ANKRD31: variants seen among roughly 807,000 people sequenced by gnomAD.
ANKRD31 encodes the protein ankyrin repeat domain-containing protein 31.
In ANKRD31, 147 loss-of-function variants were observed where a neutral mutation model predicts 186.0. The observed-to-expected ratio is 0.79, with a 90% CI of 0.69 to 0.91. The LOEUF (loss-of-function observed/expected upper bound fraction) is 0.91, where lower values mean the gene tolerates loss of function less well. Among genes scored for constraint, ANKRD31 ranks in the 40% least tolerant of loss-of-function variants. The pLI, the probability that ANKRD31 is intolerant of heterozygous loss-of-function variation, is 0.00. For synonymous variants in ANKRD31, 673 were observed against 736.4 expected, an observed-to-expected ratio of 0.91 and a Z score of 1.39; for missense variants, 1,986 against 2,148.8, an observed-to-expected ratio of 0.92 and a Z score of 1.50.
chr5:75,181,015 T>C (rs1309690549), intron 10 of ANKRD31, among the ~76,000 whole-genome samples: 1 of 134,504 alleles, frequency 7.4e-6, no homozygotes, highest in Non-Finnish European at 1.5e-5. Context: ...GAATCTACAA[T>C]GAACTCAAAC....
chr5:75,127,640 T>C (rs1749357846), intron 17 of ANKRD31, among the ~76,000 whole-genome samples: 3 of 152,236 alleles, frequency 2.0e-5, no homozygotes. Context: ...CCATATCAAT[T>C]TTAGAATCAG....
chr5:75,159,224 C>T (rs1167198792), intron 11 of ANKRD31, among the ~76,000 whole-genome samples: 2 of 152,060 alleles, frequency 1.3e-5, no homozygotes, highest in Non-Finnish European at 2.9e-5. Flanking sequence ...ATGAATAGAA[C>T]ATCAGAGAAA....
chr5:75,114,611 C>T (rs977335727), intron 19 of ANKRD31, among the ~76,000 whole-genome samples: 9 of 152,080 alleles, frequency 5.9e-5, no homozygotes, highest in South Asian at 4.2e-4. Flanking sequence ...TATACACCAA[C>T]AACAGACAAA....
At chr5:75,170,176 G>A (rs538511885) in intron 10 of ANKRD31, among the ~76,000 whole-genome samples, 7 of 152,000 alleles carry the variant, frequency 4.6e-5, no homozygotes, top group African/African-American at 1.2e-4. Context: ...ATAGCACAAC[G>A]GATATGGGGG....
intron 11 of ANKRD31, among the ~76,000 whole-genome samples, chr5:75,164,605 T>G (rs1190914241): frequency 1.3e-5 from 2 of 152,180 alleles, no homozygotes; most frequent in African/African-American, 4.8e-5. Context: ...GCCAAAGTAA[T>G]GTATTCACTC....
rs1479772951 is a variant in ANKRD31 at position 75,192,702 on chromosome 5, T to C, written c.1373A>G (p.Gln458Arg). ...TGAAAATTGTTCATTTTTCCTGATC[T>C]GTTTTCCATTCTTGAACCTTGCTGA... ...MHSARFKNGK[Q>R]IRKNEQFSGK... Residue 458 changes from glutamine to arginine, a missense_variant, in exon 9 of 26, where the codon CAG becomes CGG. Physicochemically the swap from Gln to Arg is conservative, Grantham distance 43 (BLOSUM62 1). Transcript: ENST00000506364. 2 of 1,534,976 alleles carry C rather than the reference T, an allele frequency of 1.3e-6. No homozygotes were observed. Among genetic ancestry groups the C allele is most frequent in the Non-Finnish European group, 1.7e-6 (2 of 1,145,780 alleles).
chr5:75,208,730 T>C (rs541177866), intron 4 of ANKRD31, among the ~76,000 whole-genome samples: 1 of 152,320 alleles, frequency 6.6e-6, no homozygotes, highest in Non-Finnish European at 1.5e-5. Context: ...AAGTTCTGTC[T>C]CTCATCTTCC....
At position 75,084,266 on chromosome 5, in the gene ANKRD31, AC is replaced by A. The variant is rs1561401779; in HGVS notation, c.5575+5del. 9 of 1,529,474 alleles carry A rather than the reference AC, an allele frequency of 5.9e-6. No homozygotes were observed. Among genetic ancestry groups the A allele is most frequent in the Non-Finnish European group, 7.9e-6 (9 of 1,139,814 alleles). 94.7% of individuals were successfully genotyped at this position (1,529,474 alleles called of 1,614,324 possible). A position where few individuals can be genotyped will look rare whatever the true frequency, so the allele number is the denominator to read the frequency against. ...AACGAAGAAATGAGTGTTGTTCTGTACATACCTGGAAGACAAGGTTGATATT... is the reference window on the plus strand; with the variant it reads ...AACGAAGAAATGAGTGTTGTTCTGTAATACCTGGAAGACAAGGTTGATATT... On this transcript the variant is annotated splice_donor_5th_base_variant and intron_variant, in intron 24 of 25. Coordinates refer to ENST00000506364, the MANE Select transcript of ANKRD31 (RefSeq NM_001372053.1).
chr5:75,097,800 T>G (rs537357348), intron 22 of ANKRD31, among the ~76,000 whole-genome samples: 2 of 152,338 alleles, frequency 1.3e-5, no homozygotes, highest in East Asian at 1.9e-4. Flanking sequence ...GGTCTAACAT[T>G]TAAGTCTTTA....
At chr5:75,172,486 T>A (rs934957091) in intron 10 of ANKRD31, among the ~76,000 whole-genome samples, 3 of 151,290 alleles carry the variant, frequency 2.0e-5, no homozygotes, top group African/African-American at 7.3e-5. Flanking sequence ...TTGATACACC[T>A]CTAGCAAGAC....
chr5:75,104,091 G>A (rs1173610919), intron 22 of ANKRD31, 137 bp downstream of exon 22: 5 of 649,606 alleles, frequency 7.7e-6, no homozygotes, highest in African/African-American at 1.8e-5. Context: ...GAATACAATG[G>A]TTGTGTCCCT....
At chr5:75,138,805 A>G in intron 16 of ANKRD31, 41 bp downstream of exon 16, 4 of 1,522,192 alleles carry the variant, frequency 2.6e-6, no homozygotes, top group South Asian at 2.4e-5. Context: ...TATTTCAGTG[A>G]GTTCAAATTA....
chr5:75,108,560 A>G (rs1747516795), intron 20 of ANKRD31, among the ~76,000 whole-genome samples: 1 of 152,074 alleles, frequency 6.6e-6, no homozygotes, highest in African/African-American at 2.4e-5. Context: ...AATTTTTTGG[A>G]CCAATGCACA....
rs1246115144 is a variant in ANKRD31 at position 75,138,006 on chromosome 5, A to C, written c.3734-8T>G. On this transcript the variant is annotated splice_region_variant and splice_polypyrimidine_tract_variant and intron_variant, in intron 16 of 25. Coordinates refer to ENST00000506364, the MANE Select transcript of ANKRD31 (RefSeq NM_001372053.1). Reference sequence around the variant, plus strand: ...CATGAAGTGGTGTCCAACCTAAAAAAAGAAAAAGAAAAAAAAAAACCCTGC... The same window carrying C: ...CATGAAGTGGTGTCCAACCTAAAAACAGAAAAAGAAAAAAAAAAACCCTGC... The C allele has an allele frequency of 5.6e-6, 8 of 1,417,292 alleles. No homozygotes were observed. The highest frequency in any genetic ancestry group is 7.2e-6 in the Non-Finnish European group (8 of 1,108,214). 87.8% of individuals were successfully genotyped at this position (1,417,292 alleles called of 1,614,324 possible).
chr5:75,188,093 T>C (rs1754859908), intron 10 of ANKRD31, among the ~76,000 whole-genome samples: 1 of 152,162 alleles, frequency 6.6e-6, no homozygotes, highest in South Asian at 2.1e-4. Context: ...CTGCTCCTGC[T>C]GTACATCTAC....
At chr5:75,219,229 T>C (rs767517174) in intron 3 of ANKRD31, among the ~76,000 whole-genome samples, 1 of 152,132 alleles carries the variant, frequency 6.6e-6, no homozygotes, top group Non-Finnish European at 1.5e-5. Context: ...TGCTTCTATA[T>C]CTAGAAAACC....
At chr5:75,172,908 A>G (rs1462379041) in intron 10 of ANKRD31, among the ~76,000 whole-genome samples, 2 of 152,218 alleles carry the variant, frequency 1.3e-5, no homozygotes, top group East Asian at 1.9e-4. Flanking sequence ...TCATCCTGAT[A>G]CCAAAGCCTG....
intron 11 of ANKRD31, among the ~76,000 whole-genome samples, chr5:75,157,847 C>T (rs989407809): frequency 2.6e-5 from 4 of 152,058 alleles, no homozygotes; most frequent in Admixed American, 2.6e-4. Context: ...GAAGAACTGC[C>T]AAGATTTTAG....
chr5:75,202,601 G>A (rs767567268), intron 5 of ANKRD31, among the ~76,000 whole-genome samples: 11 of 152,144 alleles, frequency 7.2e-5, no homozygotes, highest in Non-Finnish European at 1.5e-4. Context: ...GTGTTTTAAG[G>A]CCAAAGCTAT....
Sources: gnomAD v4.1 joint callset for allele counts (sites outside exome capture counted in the v4.1 genomes callset) on GRCh38, gnomAD v4.1.1 for gene constraint, MANE v1.5 for transcripts, NCBI Gene and HGNC (gene_info 2026-07-23, HGNC 2026-07-21) for gene names.